Variants in PBX1 observed in about 807,000 individuals in gnomAD.
PBX1 encodes the protein PBX homeobox 1, also known as pre-B-cell leukemia transcription factor 1.
A neutral mutation model predicts 53.4 loss-of-function variants in PBX1; 6 were observed. That is an observed-to-expected ratio of 0.11 (90% confidence interval 0.06 to 0.22). The LOEUF is 0.22. PBX1 is among the 10% of genes least tolerant of loss of function. The pLI is 1.00. For missense variants in PBX1, 251 were observed against 551.4 expected (o/e 0.46, Z 5.46); for synonymous variants, 204 against 212.3 (o/e 0.96, Z 0.34).
chr1:164,602,709 G>GA (rs113484614), intron 2 of PBX1, among the ~76,000 whole-genome samples: 1,433 of 118,046 alleles, frequency 0.012, 16 homozygotes, highest in South Asian at 0.043. Flanking sequence ...CAAACAGATT[G>GA]AAAAAAAAAA....
At chr1:164,695,687 A>G (rs1454542354) in intron 2 of PBX1, among the ~76,000 whole-genome samples, 3 of 152,090 alleles carry the variant, frequency 2.0e-5, no homozygotes, top group East Asian at 1.9e-4. Flanking sequence ...TCTTCTCCCA[A>G]TTTTTAGTAC....
intron 2 of PBX1, among the ~76,000 whole-genome samples, chr1:164,629,171 G>A (rs566428341): frequency 5.9e-5 from 9 of 152,074 alleles, no homozygotes; most frequent in South Asian, 2.1e-4. Flanking sequence ...AATATTGGCC[G>A]TGTCTCCATG....
chr1:164,630,355 C>T (rs958136268), intron 2 of PBX1, among the ~76,000 whole-genome samples: 3 of 152,098 alleles, frequency 2.0e-5, no homozygotes, highest in Non-Finnish European at 4.4e-5. Flanking sequence ...AGATAATGCT[C>T]TGTTTTAGAT....
At chr1:164,836,362 G>A (rs762581016) in intron 8 of PBX1, among the ~76,000 whole-genome samples, 11 of 152,056 alleles carry the variant, frequency 7.2e-5, no homozygotes, top group Non-Finnish European at 1.5e-4. Context: ...CAGAGATTCT[G>A]GGACTCTTTA....
intron 8 of PBX1, among the ~76,000 whole-genome samples, chr1:164,826,602 A>G (rs1269533661): frequency 1.3e-5 from 2 of 151,988 alleles, no homozygotes. Context: ...ATGGGGTTTC[A>G]CCATGTTGGC....
chr1:164,871,035 AG>A (rs756232933), intron 2 of PBX1, among the ~76,000 whole-genome samples: 11 of 152,154 alleles, frequency 7.2e-5, no homozygotes, highest in Admixed American at 1.3e-4. Context: ...TATTTAATTG[AG>A]CCCCTATGGC....
intron 2 of PBX1, among the ~76,000 whole-genome samples, chr1:164,717,129 A>G (rs1664145875): frequency 6.6e-6 from 1 of 152,166 alleles, no homozygotes; most frequent in Non-Finnish European, 1.5e-5. Context: ...CAGTTTTTGT[A>G]CGGGTAAAAT....
intron 2 of PBX1, chr1:164,657,086 G>A (rs1660212098): frequency 2.0e-5 from 3 of 152,150 alleles, no homozygotes. Context: ...ACAAAACAAT[G>A]GAGTGTATTG....
intron 2 of PBX1, among the ~76,000 whole-genome samples, chr1:164,666,581 G>A (rs2635034): frequency 0.85 from 128,936 of 152,022 alleles, 56,196 homozygotes; most frequent in Non-Finnish European, 0.96. Context: ...GAACTGTGGG[G>A]CCTCTGTTAT....
intron 2 of PBX1, among the ~76,000 whole-genome samples, chr1:164,622,563 A>G (rs1269135644): frequency 1.3e-5 from 2 of 152,168 alleles, no homozygotes; most frequent in Non-Finnish European, 2.9e-5. Context: ...TGATGTGCAC[A>G]TGCTGTTAAC....
chr1:164,800,859 C>T (rs1433758843), intron 4 of PBX1, among the ~76,000 whole-genome samples: 1 of 152,142 alleles, frequency 6.6e-6, no homozygotes, highest in Non-Finnish European at 1.5e-5. Context: ...TTAGATATGT[C>T]AGGGTCAGTG....
At chr1:164,803,909 A>G (rs1669207583) in intron 4 of PBX1, among the ~76,000 whole-genome samples, 1 of 152,216 alleles carries the variant, frequency 6.6e-6, no homozygotes, top group Admixed American at 6.5e-5. Flanking sequence ...TTACCTGTAA[A>G]ACAGGGATAA....
At chr1:164,787,092 C>G (rs984534907) in intron 2 of PBX1, among the ~76,000 whole-genome samples, 15 of 152,134 alleles carry the variant, frequency 9.9e-5, no homozygotes, top group Admixed American at 2.0e-4. Context: ...GCTGGTCTCT[C>G]TTTTCTAACT....
At chr1:164,775,395 A>G (rs553444655) in intron 2 of PBX1, among the ~76,000 whole-genome samples, 1 of 152,246 alleles carries the variant, frequency 6.6e-6, no homozygotes, top group South Asian at 2.1e-4. Flanking sequence ...GTGTGGTGAA[A>G]TCAACAGCCA....
intron 8 of PBX1, among the ~76,000 whole-genome samples, chr1:164,823,979 G>T (rs1238288671): frequency 6.6e-6 from 1 of 152,132 alleles, no homozygotes; most frequent in Non-Finnish European, 1.5e-5. Context: ...GTATAGAGCA[G>T]GACAATGACT....
At chr1:164,819,173 A>G (rs903313704) in intron 6 of PBX1, 3 of 152,150 alleles carry the variant, frequency 2.0e-5, no homozygotes, top group African/African-American at 4.8e-5. Flanking sequence ...CTTAGGTTGA[A>G]TGTGGGCTAG....
In PBX1 at chr1:164,829,830, G is replaced by T. The variant is rs377659258; in HGVS notation, c.1200+8204G>T. On this transcript the variant is annotated intron_variant, in intron 8 of 8. Coordinates refer to ENST00000420696, the MANE Select transcript of PBX1 (RefSeq NM_002585.4). ...GGGCATGAGGTCCAAAAGAGAATTG[G>T]TATCAACTAAGTACCGTTAACATAC... The T allele has an allele frequency of 2.0e-4, 31 of 151,460 alleles. No homozygotes were observed. In the South Asian group the frequency reaches 5.6e-3, roughly 28 times the overall value. The allele number at this position is 151,460 out of a possible 1,614,324, so 9.4% of individuals were successfully genotyped here. A position where few individuals can be genotyped will look rare whatever the true frequency, so the allele number is the denominator to read the frequency against.
At position 164,741,739 on chromosome 1, in the gene PBX1, A is replaced by AGTGTGTGTGTGTGTGT. The variant is rs57771496; in HGVS notation, c.266-50734_266-50719dup. ...AGGTTGGAGTGAGCATGTATGAGTG[A>AGTGTGTGTGTGTGTGT]GTGTGTGTGTGTGTGTGTGTGTGTG... On this transcript the variant is annotated intron_variant, in intron 2 of 8. Coordinates refer to ENST00000420696, the MANE Select transcript of PBX1 (RefSeq NM_002585.4). Among the ~76,000 whole-genome samples, 165 of 140,902 alleles carry AGTGTGTGTGTGTGTGT rather than the reference A, an allele frequency of 1.2e-3. 1 individual carries two copies. The highest frequency in any genetic ancestry group is 5.8e-3 in the South Asian group (24 of 4,136). The allele number at this position is 140,902 out of a possible 152,430, so 92.4% of individuals were successfully genotyped here.
chr1:164,786,720 T>TGCGCGC lies in PBX1; in HGVS notation c.266-5771_266-5766dup, dbSNP rs1553246258. The stretch of plus-strand genomic sequence containing the variant: ...GTGTGTGTGTGTGTGTGTGTGTGTG[T>TGCGCGC]GCGCGCGCACACACACACACGCACA... On this transcript the variant is annotated intron_variant, in intron 2 of 8. Coordinates refer to ENST00000420696, the MANE Select transcript of PBX1 (RefSeq NM_002585.4). Among the ~76,000 whole-genome samples the TGCGCGC allele has an allele frequency of 3.2e-3, 375 of 116,272 alleles. 1 individual carries two copies. The highest frequency in any genetic ancestry group is 0.013 in the African/African-American group (363 of 28,824). The allele number at this position is 116,272 out of a possible 152,430, so 76.3% of individuals were successfully genotyped here. A position where few individuals can be genotyped will look rare whatever the true frequency, so the allele number is the denominator to read the frequency against.
Sources: allele counts gnomAD v4.1 joint callset (sites outside exome capture counted in the v4.1 genomes callset), GRCh38; gene constraint gnomAD v4.1.1; transcripts MANE v1.5; gene names NCBI Gene and HGNC (gene_info 2026-07-23, HGNC 2026-07-21).